Variants in SHOC1 observed in about 807,000 individuals in gnomAD.
SHOC1 encodes protein shortage in chiasmata 1 ortholog.
In SHOC1, 136 loss-of-function variants were observed where a neutral mutation model predicts 179.2. That is an observed-to-expected ratio of 0.76 (90% CI 0.66 to 0.87). The LOEUF (loss-of-function observed/expected upper bound fraction) is 0.87. Ranked by LOEUF, SHOC1 falls within the 40% of genes least tolerant of loss-of-function variation. SHOC1 has a pLI of 0.00. For synonymous variants in SHOC1, 489 were observed against 586.6 expected (o/e 0.83, Z 2.41); for missense variants, 1,538 against 1,700.8 (o/e 0.90, Z 1.68).
chr9:111,704,148 GTT>G (rs1206482976), intron 21 of SHOC1, among the ~76,000 whole-genome samples, 156 bp from the exon 22 acceptor site: 1 of 152,126 alleles, frequency 6.6e-6, no homozygotes, highest in East Asian at 1.9e-4. Flanking sequence ...GAAGAATAAA[GTT>G]ATGATTTTTT....
At chr9:111,789,608 A>G (rs954712603) in intron 2 of SHOC1, among the ~76,000 whole-genome samples, 10 of 152,146 alleles carry the variant, frequency 6.6e-5, no homozygotes, top group Admixed American at 5.9e-4. Flanking sequence ...TAATATCTTT[A>G]CTTGTTATTT....
chr9:111,730,061 ACTC>A (rs1357865944), intron 12 of SHOC1, among the ~76,000 whole-genome samples: 1 of 151,950 alleles, frequency 6.6e-6, no homozygotes, highest in Non-Finnish European at 1.5e-5. Context: ...ATAAGAAACA[ACTC>A]CTCATTTGTT....
chr9:111,745,552 T>A (rs1161363986), intron 10 of SHOC1, among the ~76,000 whole-genome samples: 4 of 152,148 alleles, frequency 2.6e-5, no homozygotes, highest in Non-Finnish European at 5.9e-5. Context: ...ACTGGTATCC[T>A]TATAAGAACA....
At chr9:111,764,605 C>T (rs530990483) in intron 5 of SHOC1, among the ~76,000 whole-genome samples, 2 of 151,934 alleles carry the variant, frequency 1.3e-5, no homozygotes, top group African/African-American at 4.8e-5. Context: ...ATGGGGGGAA[C>T]GTGGTAGTGA....
rs373919947 is a variant in SHOC1, at chr9:111,692,115, T to C, written c.3862A>G (p.Ser1288Gly). 43 of 1,613,632 alleles carry C rather than the reference T, an allele frequency of 2.7e-5. No individual in the cohort carries two copies. The African/African-American group carries it at 4.3e-4, about 16-fold the overall frequency. The change falls in exon 27 of 28, where the codon AGT (serine) becomes GGT (glycine). Residue 1288 changes from serine (S) to glycine (G), a missense_variant. By Grantham distance (56) the Ser-to-Gly change is moderately conservative (BLOSUM62 0). Coordinates refer to ENST00000682961, the MANE Select transcript of SHOC1 (RefSeq NM_001378211.1). ...GAAAAGACATCTGACTCTGAATCAC[T>C]GTGGTTTAGAAAGGAGTTATAAGCC... ...RPAYNSFLNH[S>G]DSESDVFSLG...
intron 3 of SHOC1, 95 bp downstream of exon 3, chr9:111,785,817 T>G: frequency 9.2e-7 from 1 of 1,089,314 alleles, no homozygotes; most frequent in Non-Finnish European, 1.2e-6. Context: ...AATGAGTTTT[T>G]AATTAGTAAA....
At chr9:111,740,983 G>C (rs1040946040) in intron 11 of SHOC1, among the ~76,000 whole-genome samples, 1 of 152,090 alleles carries the variant, frequency 6.6e-6, no homozygotes, top group African/African-American at 2.4e-5. Flanking sequence ...CGCCTCCCAG[G>C]TTTTCAAGTG....
At chr9:111,792,117 T>G (rs971496326) in intron 1 of SHOC1, among the ~76,000 whole-genome samples, 2 of 152,162 alleles carry the variant, frequency 1.3e-5, no homozygotes, top group African/African-American at 4.8e-5. Context: ...CTATGGCATA[T>G]TGGTAAATCA....
At chr9:111,791,036 A>G (rs1177071011) in intron 2 of SHOC1, among the ~76,000 whole-genome samples, 1 of 152,216 alleles carries the variant, frequency 6.6e-6, no homozygotes, top group Non-Finnish European at 1.5e-5. Context: ...GGTGGTGAAG[A>G]TACTGGCACT....
intron 8 of SHOC1, among the ~76,000 whole-genome samples, chr9:111,752,826 C>T (rs1252764049): frequency 2.0e-5 from 3 of 152,018 alleles, no homozygotes; most frequent in Non-Finnish European, 2.9e-5. Context: ...ATGAGCTTAA[C>T]AGAAAATTAG....
At chr9:111,766,694 T>C (rs10739325) in intron 5 of SHOC1, among the ~76,000 whole-genome samples, 122,218 of 152,056 alleles carry the variant, frequency 0.8, 49,278 homozygotes, top group East Asian at 0.92. Context: ...TCACTGCAAC[T>C]TCTGCCTCCT....
chr9:111,725,108 A>G (rs1833237648), intron 13 of SHOC1, among the ~76,000 whole-genome samples: 1 of 152,186 alleles, frequency 6.6e-6, no homozygotes, highest in Admixed American at 6.5e-5. Flanking sequence ...CCATCTTTAC[A>G]TACATGGTTA....
intron 9 of SHOC1, 104 bp from the exon 10 acceptor site, chr9:111,746,446 A>G (rs2131520819): frequency 6.2e-6 from 4 of 641,840 alleles, no homozygotes; most frequent in Non-Finnish European, 1.1e-5. Flanking sequence ...AGGCTGAGGT[A>G]GGAGGATCAC....
chr9:111,794,772 C>G (rs1043789452), intron 1 of SHOC1, 128 bp downstream of exon 1: 1 of 152,232 alleles, frequency 6.6e-6, no homozygotes, highest in Non-Finnish European at 1.5e-5. Flanking sequence ...CCACATCGGC[C>G]GGGCCTCACA....
intron 23 of SHOC1, among the ~76,000 whole-genome samples, chr9:111,701,561 C>T (rs1362507385): frequency 6.6e-6 from 1 of 152,044 alleles, no homozygotes; most frequent in Non-Finnish European, 1.5e-5. Flanking sequence ...CTTCCAAGTT[C>T]CAGATAAAGC....
At chr9:111,775,503 A>G (rs2131616818) in intron 5 of SHOC1, among the ~76,000 whole-genome samples, 1 of 152,292 alleles carries the variant, frequency 6.6e-6, no homozygotes, top group East Asian at 1.9e-4. Flanking sequence ...ATATCATGGG[A>G]TCTTAAAAAG....
At chr9:111,779,121 A>G (rs1046680830) in intron 4 of SHOC1, among the ~76,000 whole-genome samples, 15 of 149,324 alleles carry the variant, frequency 1.0e-4, no homozygotes, top group African/African-American at 3.4e-4. Context: ...AAAAAGAGAG[A>G]GAGAGAGAGA....
At chr9:111,697,147 T>G (rs1564105323) in intron 24 of SHOC1, among the ~76,000 whole-genome samples, 1 of 151,668 alleles carries the variant, frequency 6.6e-6, no homozygotes, top group Non-Finnish European at 1.5e-5. Flanking sequence ...GGAGAGATGA[T>G]GCATCCTGAG....
At chr9:111,757,391 C>G (rs1397353771) in intron 7 of SHOC1, among the ~76,000 whole-genome samples, 1 of 152,070 alleles carries the variant, frequency 6.6e-6, no homozygotes, top group African/African-American at 2.4e-5. Context: ...CGTGAGCCAC[C>G]GCGCCCGGCC....
Sources: allele counts gnomAD v4.1 joint callset (sites outside exome capture counted in the v4.1 genomes callset), GRCh38; gene constraint gnomAD v4.1.1; transcripts MANE v1.5; gene names NCBI Gene and HGNC (gene_info 2026-07-23, HGNC 2026-07-21).